The following SOCS5 variants were observed in gnomAD, a reference collection of about 807,000 sequenced individuals.
SOCS5 encodes the protein CIS-6.
A neutral mutation model predicts 42.8 loss-of-function variants in SOCS5; 32 were observed. That is an observed-to-expected ratio of 0.75 (90% CI 0.56 to 1.01). The LOEUF is 1.01. Among genes scored for constraint, SOCS5 ranks in the 50% least tolerant of loss-of-function variants. The pLI is 0.00. For synonymous variants in SOCS5, 283 were observed against 229.6 expected, an observed-to-expected ratio of 1.23 and a Z score of -2.10; for missense variants, 627 against 653.0, an observed-to-expected ratio of 0.96 and a Z score of 0.43.
Position 46,761,646 on chromosome 2 carries a change from C to A in SOCS5, c.*1505C>A, listed in dbSNP as rs1673872291. 1 of 166,908 alleles carries A rather than the reference C, an allele frequency of 6.0e-6. No individual in the cohort carries two copies. 10.3% of individuals were successfully genotyped at this position (166,908 alleles called of 1,614,324 possible). On this transcript the variant is annotated 3_prime_UTR_variant, in exon 2 of 2. Transcript: ENST00000394861. Reference sequence around the variant, plus strand: ...CTGTTTTATACATTTGCAACAATTTCTCTTGTAAATGGAATGGTTTGGGGT... The same window carrying A: ...CTGTTTTATACATTTGCAACAATTTATCTTGTAAATGGAATGGTTTGGGGT...
At chr2:46,757,728 G>A (rs567289881) in intron 1 of SOCS5, among the ~76,000 whole-genome samples, 5 of 152,220 alleles carry the variant, frequency 3.3e-5, no homozygotes, top group Admixed American at 6.5e-5. Flanking sequence ...TTAGCCGGGC[G>A]TGGTGGTACA....
chr2:46,739,990 G>A (rs1180735797), intron 1 of SOCS5, among the ~76,000 whole-genome samples: 1 of 152,148 alleles, frequency 6.6e-6, no homozygotes, highest in Non-Finnish European at 1.5e-5. Context: ...GTATTCAAAC[G>A]GAAGCCTTTA....
At chr2:46,737,084 C>T (rs1425986765) in intron 1 of SOCS5, among the ~76,000 whole-genome samples, 1 of 152,100 alleles carries the variant, frequency 6.6e-6, no homozygotes, top group Non-Finnish European at 1.5e-5. Flanking sequence ...ATTTTTCTAG[C>T]AAGTAATTTA....
At chr2:46,729,154 G>A (rs78006949) in intron 1 of SOCS5, among the ~76,000 whole-genome samples, 3,601 of 152,198 alleles carry the variant, frequency 0.024, 160 homozygotes, top group African/African-American at 0.082. Flanking sequence ...CTTAATATAA[G>A]AAACTAGTTT....
intron 1 of SOCS5, among the ~76,000 whole-genome samples, chr2:46,731,048 G>T (rs887757139): frequency 3.3e-5 from 5 of 152,176 alleles, no homozygotes; most frequent in Non-Finnish European, 5.9e-5. Flanking sequence ...ACTCCATTGT[G>T]TCTGCATTAG....
intron 1 of SOCS5, among the ~76,000 whole-genome samples, chr2:46,752,476 G>C (rs1293907850): frequency 1.3e-5 from 2 of 152,058 alleles, no homozygotes; most frequent in Non-Finnish European, 2.9e-5. Context: ...TAACTTTGCT[G>C]ACATCCCCTT....
At chr2:46,731,586 G>T (rs1011693135) in intron 1 of SOCS5, among the ~76,000 whole-genome samples, 1 of 152,188 alleles carries the variant, frequency 6.6e-6, no homozygotes, top group Admixed American at 6.5e-5. Flanking sequence ...TATGTACAAA[G>T]GACTGTGGAT....
chr2:46,712,859 G>A (rs1186905906), intron 1 of SOCS5, among the ~76,000 whole-genome samples: 2 of 151,280 alleles, frequency 1.3e-5, no homozygotes, highest in African/African-American at 4.9e-5. Context: ...GATTATTCTT[G>A]GTCTATAGTT....
intron 1 of SOCS5, among the ~76,000 whole-genome samples, chr2:46,727,461 C>T (rs888589705): frequency 3.9e-5 from 6 of 152,150 alleles, no homozygotes; most frequent in Non-Finnish European, 8.8e-5. Context: ...GACTCTGGAT[C>T]TTACTTAAAT....
chr2:46,740,748 TC>T (rs1046457618), intron 1 of SOCS5, among the ~76,000 whole-genome samples: 2 of 152,098 alleles, frequency 1.3e-5, no homozygotes, highest in African/African-American at 4.8e-5. Context: ...CTACTGCTCC[TC>T]TTGCTGCTTC....
chr2:46,742,387 C>T (rs1673398910), intron 1 of SOCS5, among the ~76,000 whole-genome samples: 1 of 146,974 alleles, frequency 6.8e-6, no homozygotes, highest in Non-Finnish European at 1.5e-5. Flanking sequence ...TAGACGCACA[C>T]CACTGTGTCT....
intron 1 of SOCS5, among the ~76,000 whole-genome samples, chr2:46,738,697 T>TAGGA (rs1292914946): frequency 6.6e-6 from 1 of 152,144 alleles, no homozygotes; most frequent in Non-Finnish European, 1.5e-5. Context: ...ACTGTAAAGG[T>TAGGA]AGGAACATAT....
intron 1 of SOCS5, among the ~76,000 whole-genome samples, chr2:46,754,372 T>C (rs776426629): frequency 1.4e-4 from 21 of 152,174 alleles, no homozygotes; most frequent in Admixed American, 2.6e-4. Flanking sequence ...TCTACCTAAT[T>C]CAGCAGCAGA....
At chr2:46,752,247 G>C (rs1280437825) in intron 1 of SOCS5, among the ~76,000 whole-genome samples, 2 of 151,822 alleles carry the variant, frequency 1.3e-5, no homozygotes, top group Non-Finnish European at 2.9e-5. Flanking sequence ...ATGCTCATAG[G>C]ATTCAGCCCT....
At chr2:46,723,551 C>T (rs1483637691) in intron 1 of SOCS5, among the ~76,000 whole-genome samples, 1 of 152,042 alleles carries the variant, frequency 6.6e-6, no homozygotes, top group Non-Finnish European at 1.5e-5. Flanking sequence ...TACCCTTTCT[C>T]CCTTGAGTCA....
At chr2:46,746,624 C>G (rs543678145) in intron 1 of SOCS5, among the ~76,000 whole-genome samples, 1 of 151,184 alleles carries the variant, frequency 6.6e-6, no homozygotes, top group African/African-American at 2.4e-5. Context: ...GCACTCCAGC[C>G]TGGGCGACAG....
chr2:46,715,480 A>G (rs567733435), intron 1 of SOCS5, among the ~76,000 whole-genome samples: 1 of 152,074 alleles, frequency 6.6e-6, no homozygotes, highest in African/African-American at 2.4e-5. Context: ...TGTGTCTAGT[A>G]TATTCCCTTT....
At chr2:46,747,007 TC>T (rs1439300057) in intron 1 of SOCS5, among the ~76,000 whole-genome samples, 2 of 146,746 alleles carry the variant, frequency 1.4e-5, no homozygotes, top group Non-Finnish European at 3.0e-5. Context: ...TGATTACATA[TC>T]AAGGTTGCTA....
At chr2:46,705,752 TGA>T (rs1360845087) in intron 1 of SOCS5, among the ~76,000 whole-genome samples, 4 of 152,188 alleles carry the variant, frequency 2.6e-5, no homozygotes, top group African/African-American at 9.7e-5. Context: ...AGTACTGGGA[TGA>T]GTTTTATTTA....
Sources: allele counts gnomAD v4.1 joint callset (sites outside exome capture counted in the v4.1 genomes callset), GRCh38; gene constraint gnomAD v4.1.1; transcripts MANE v1.5; gene names NCBI Gene and HGNC (gene_info 2026-07-23, HGNC 2026-07-21).